The following NXPE2 variants were observed in gnomAD, a reference collection of about 807,000 sequenced individuals.
The protein encoded by NXPE2 is neurexophilin and PC-esterase domain family member 2.
A neutral mutation model predicts 34.4 loss-of-function variants in NXPE2; 34 were observed. That is an observed-to-expected ratio of 0.99 (90% CI 0.75 to 1.31). The LOEUF is 1.31. Ranked by LOEUF, NXPE2 falls within the 40% of genes most tolerant of loss-of-function variation. The pLI is 0.00. For missense variants in NXPE2, 649 were observed against 672.5 expected (o/e 0.97, Z 0.39); for synonymous variants, 235 against 231.3 (o/e 1.02, Z -0.15).
the NXPE2 span, among the ~76,000 whole-genome samples, chr11:114,754,815 T>C: frequency 3.3e-4 from 51 of 152,302 alleles, no homozygotes; most frequent in African/African-American, 4.8e-4. Context: ...GGATTAACTC[T>C]TTGATTTCTG....
chr11:114,537,669 C>G, the NXPE2 span, among the ~76,000 whole-genome samples: 1 of 152,084 alleles, frequency 6.6e-6, no homozygotes. Context: ...CATGAGTGAA[C>G]TCCCATTCAC....
the NXPE2 span, among the ~76,000 whole-genome samples, chr11:114,475,029 A>C: frequency 3.9e-5 from 6 of 152,266 alleles, no homozygotes; most frequent in Admixed American, 1.3e-4. Flanking sequence ...AATTTATGAC[A>C]TTAGGAACAT....
the NXPE2 span, among the ~76,000 whole-genome samples, chr11:114,644,204 G>C: frequency 6.6e-6 from 1 of 152,144 alleles, no homozygotes; most frequent in South Asian, 2.1e-4. Flanking sequence ...TCTGCAAACA[G>C]AGACAATATG....
the NXPE2 span, chr11:114,530,251 C>A: frequency 2.5e-6 from 4 of 1,614,138 alleles, no homozygotes; most frequent in Non-Finnish European, 3.4e-6. Context: ...GTCAGAGCCT[C>A]ACAGGGCATG....
In NXPE2 at chr11:114,698,441, G is replaced by T. The variant is rs1303878279; in HGVS notation, c.529G>T (p.Val177Phe). Residue 177 changes from valine (V) to phenylalanine (F), a missense_variant, in exon 3 of 6, where the codon GTC becomes TTC. Physicochemically the swap from Val to Phe is conservative, Grantham distance 50. Coordinates refer to ENST00000389586, the MANE Select transcript of NXPE2 (RefSeq NM_182495.6). ...TGACTTCAACAACGGCACCTACCTG[G>T]TCAGCTTCACTCTGTTCTGGGAGGG... ...VTDFNNGTYL[V>F]SFTLFWEGQV... 1 of 1,613,854 alleles carries T rather than the reference G, an allele frequency of 6.2e-7. No homozygotes were observed. The highest frequency in any genetic ancestry group is 8.5e-7 in the Non-Finnish European group (1 of 1,179,940).
chr11:114,617,814 G>T, the NXPE2 span, among the ~76,000 whole-genome samples: 1 of 151,946 alleles, frequency 6.6e-6, no homozygotes, highest in East Asian at 1.9e-4. Context: ...TGGATAATAA[G>T]TGTTGCCTCA....
At chr11:114,603,164 A>G in the NXPE2 span, among the ~76,000 whole-genome samples, 1 of 148,538 alleles carries the variant, frequency 6.7e-6, no homozygotes, top group Non-Finnish European at 1.5e-5. Flanking sequence ...CTAGGTAACT[A>G]CTATTACCTG....
chr11:114,676,988 A>T (rs1453748006), upstream of NXPE2, among the ~76,000 whole-genome samples: 1 of 152,096 alleles, frequency 6.6e-6, no homozygotes, highest in African/African-American at 2.4e-5. Flanking sequence ...GGAGGACATT[A>T]TGCTGGGTAA....
the NXPE2 span, among the ~76,000 whole-genome samples, chr11:114,540,446 A>G: frequency 5.7e-3 from 869 of 152,328 alleles, no homozygotes; most frequent in Non-Finnish European, 1.0e-2. Context: ...TCATAACTAT[A>G]TATCTTCCTA....
chr11:114,608,440 A>G, the NXPE2 span, among the ~76,000 whole-genome samples: 1 of 151,898 alleles, frequency 6.6e-6, no homozygotes, highest in African/African-American at 2.4e-5. Flanking sequence ...CTCGCAGGAA[A>G]GCACTGTTAC....
chr11:114,515,015 C>T, the NXPE2 span, among the ~76,000 whole-genome samples: 1 of 151,936 alleles, frequency 6.6e-6, no homozygotes, highest in Non-Finnish European at 1.5e-5. Context: ...TTATTTGCAA[C>T]ATTTCTGTAT....
the NXPE2 span, among the ~76,000 whole-genome samples, chr11:114,739,421 T>G: frequency 7.1e-6 from 1 of 141,436 alleles, no homozygotes; most frequent in Non-Finnish European, 1.5e-5. Context: ...CTTCCCTTCT[T>G]CCCTCGTTCT....
At chr11:114,669,982 C>T in the NXPE2 span, among the ~76,000 whole-genome samples, 1 of 151,988 alleles carries the variant, frequency 6.6e-6, no homozygotes, top group Non-Finnish European at 1.5e-5. Context: ...AGCTCCTTGA[C>T]AGTAACAAGC....
At chr11:114,560,910 G>A in the NXPE2 span, among the ~76,000 whole-genome samples, 2,659 of 152,218 alleles carry the variant, frequency 0.017, 60 homozygotes, top group African/African-American at 0.057. Context: ...TTCTCTTAGC[G>A]ATACGGATTT....
At chr11:114,588,722 ACT>A in the NXPE2 span, among the ~76,000 whole-genome samples, 734 of 152,254 alleles carry the variant, frequency 4.8e-3, 26 homozygotes, top group Non-Finnish European at 1.2e-3. Flanking sequence ...AAACCTCTTA[ACT>A]ACTCTAAACT....
the NXPE2 span, among the ~76,000 whole-genome samples, chr11:114,775,747 G>T: frequency 6.6e-6 from 1 of 151,988 alleles, no homozygotes; most frequent in Admixed American, 6.6e-5. Flanking sequence ...GAAGTTCAAG[G>T]TCATGGCCCT....
the NXPE2 span, among the ~76,000 whole-genome samples, chr11:114,555,036 A>C: frequency 2.9e-3 from 430 of 149,482 alleles, no homozygotes; most frequent in African/African-American, 9.2e-3. Context: ...GCATCTTGGG[A>C]GTCCTTTTTT....
chr11:114,551,236 A>C, the NXPE2 span: 9 of 1,406,010 alleles, frequency 6.4e-6, no homozygotes, highest in African/African-American at 1.3e-4. Context: ...ACAAGAGAGG[A>C]GTCGTGAGAA....
the NXPE2 span, among the ~76,000 whole-genome samples, chr11:114,620,253 C>T: frequency 6.6e-6 from 1 of 152,088 alleles, no homozygotes; most frequent in Non-Finnish European, 1.5e-5. Flanking sequence ...TAATTATTGC[C>T]TCGTGGGTAA....
Sources: allele counts gnomAD v4.1 joint callset (sites outside exome capture counted in the v4.1 genomes callset), GRCh38; gene constraint gnomAD v4.1.1; transcripts MANE v1.5; gene names NCBI Gene and HGNC (gene_info 2026-07-23, HGNC 2026-07-21).